GRIP1: variants seen among roughly 807,000 people sequenced by gnomAD.
GRIP1 encodes the protein glutamate receptor-interacting protein 1.
GRIP1 carries 45 observed loss-of-function variants against 129.9 expected under a neutral mutation model. The ratio of observed to expected loss-of-function variants is 0.35; its 90% CI spans 0.27 to 0.44. The LOEUF is 0.44. GRIP1 is among the 20% of genes least tolerant of loss of function. The pLI, the probability that GRIP1 is intolerant of heterozygous loss-of-function variation, is 1.00. For missense variants in GRIP1, 1,196 were observed against 1,396.8 expected, an observed-to-expected ratio of 0.86 and a Z score of 2.29; for synonymous variants, 530 against 520.8, an observed-to-expected ratio of 1.02 and a Z score of -0.24.
intron 15 of GRIP1, among the ~76,000 whole-genome samples, chr12:66,408,554 G>A (rs1187449521): frequency 6.6e-6 from 1 of 152,110 alleles, no homozygotes; most frequent in Non-Finnish European, 1.5e-5. Flanking sequence ...GTGGGCCTTA[G>A]GTGAGACTCT....
chr12:66,548,608 T>C (rs533417421), intron 2 of GRIP1, among the ~76,000 whole-genome samples: 58 of 152,246 alleles, frequency 3.8e-4, no homozygotes, highest in African/African-American at 1.4e-3. Flanking sequence ...GTGGATGACA[T>C]GGACACCAGA....
chr12:66,386,282 C>A (rs1018997377), intron 19 of GRIP1, among the ~76,000 whole-genome samples: 12 of 151,912 alleles, frequency 7.9e-5, no homozygotes, highest in African/African-American at 2.9e-4. Flanking sequence ...TAATTCATAC[C>A]CAGCATTAAT....
In GRIP1 at chr12:66,348,649, G is replaced by A. The variant is rs1205548868; in HGVS notation, c.*370C>T. On this transcript the variant is annotated 3_prime_UTR_variant, in exon 25 of 25. Coordinates refer to ENST00000359742, the MANE Select transcript of GRIP1 (RefSeq NM_001366722.1). ...CATAGTAAGAAACTGATTTCAAAGTGAATTAAGGAAATCATCACAGAGAAT... is the reference window on the plus strand; with the variant it reads ...CATAGTAAGAAACTGATTTCAAAGTAAATTAAGGAAATCATCACAGAGAAT... 7.9e-6 allele frequency: 2 copies of A among 253,176 alleles called. No homozygotes were observed. Among genetic ancestry groups the A allele is most frequent in the Non-Finnish European group, 1.5e-5 (2 of 129,740 alleles). The allele number at this position is 253,176 out of a possible 1,614,324, so 15.7% of individuals were successfully genotyped here.
intron 19 of GRIP1, among the ~76,000 whole-genome samples, chr12:66,381,456 C>T (rs1270022358): frequency 6.6e-6 from 1 of 152,188 alleles, no homozygotes; most frequent in Non-Finnish European, 1.5e-5. Context: ...ACCCCAAATA[C>T]ATGAAGTCTC....
chr12:66,795,727 T>C (rs576159234), intron 1 of GRIP1, among the ~76,000 whole-genome samples: 2 of 152,168 alleles, frequency 1.3e-5, no homozygotes, highest in African/African-American at 2.4e-5. Flanking sequence ...GCACAGAAGA[T>C]GGTGATGCTG....
At chr12:66,767,827 C>T (rs953523331) in intron 1 of GRIP1, among the ~76,000 whole-genome samples, 9 of 152,134 alleles carry the variant, frequency 5.9e-5, no homozygotes, top group Non-Finnish European at 1.0e-4. Flanking sequence ...CATAGTAAGG[C>T]GATATCTTAT....
intron 1 of GRIP1, among the ~76,000 whole-genome samples, chr12:67,026,312 T>C (rs1250094545): frequency 2.0e-5 from 3 of 152,210 alleles, no homozygotes; most frequent in Non-Finnish European, 4.4e-5. Context: ...ATTTTCCCCA[T>C]AGTTCTCATA....
At chr12:66,885,219 GC>G (rs1318647806) in intron 1 of GRIP1, among the ~76,000 whole-genome samples, 5 of 152,086 alleles carry the variant, frequency 3.3e-5, no homozygotes, top group Non-Finnish European at 5.9e-5. Context: ...GGTGCCTCAC[GC>G]CCACGAAAGA....
chr12:66,379,542 T>C (rs1799034808), intron 19 of GRIP1, 106 bp from the exon 20 acceptor site: 1 of 1,085,190 alleles, frequency 9.2e-7, no homozygotes, highest in South Asian at 1.3e-5. Flanking sequence ...GCAATGACAA[T>C]AACAATAGTG....
chr12:66,841,248 T>C (rs994669390), intron 1 of GRIP1, among the ~76,000 whole-genome samples: 2 of 152,168 alleles, frequency 1.3e-5, no homozygotes, highest in African/African-American at 4.8e-5. Context: ...TCCTCTTCCC[T>C]TTCTCCTTCT....
chr12:66,680,383 T>C (rs529170128), upstream of GRIP1, among the ~76,000 whole-genome samples: 15 of 152,278 alleles, frequency 9.9e-5, no homozygotes, highest in African/African-American at 3.6e-4. Flanking sequence ...GAAAAATAAT[T>C]TGTGTGTGAA....
At chr12:66,479,701 A>C (rs528889327) in intron 7 of GRIP1, among the ~76,000 whole-genome samples, 3 of 152,328 alleles carry the variant, frequency 2.0e-5, no homozygotes, top group Non-Finnish European at 4.4e-5. Flanking sequence ...ATACAGCAGC[A>C]CATCAAAAGC....
chr12:66,399,807 GGTCA>G lies in GRIP1; in HGVS notation c.1985-5459_1985-5456del, dbSNP rs1277763354. 1.1e-4 allele frequency among the ~76,000 whole-genome samples: 17 copies of G among 152,024 alleles called. 1 individual carries two copies. The highest frequency in any genetic ancestry group is 4.1e-4 in the African/African-American group (17 of 41,306). ...AGCCTTTGGAAGGCGTACATGTGCA[GGTCA>G]GTCAAAGTTCACTTCAACTAAAAGT... On this transcript the variant is annotated intron_variant, in intron 16 of 24. Coordinates refer to ENST00000359742, the MANE Select transcript of GRIP1 (RefSeq NM_001366722.1).
intron 7 of GRIP1, among the ~76,000 whole-genome samples, chr12:66,468,398 A>G (rs2059345299): frequency 6.6e-6 from 1 of 152,212 alleles, no homozygotes; most frequent in Non-Finnish European, 1.5e-5. Context: ...GAGCATTGTG[A>G]GTTTGGGCCT....
chr12:66,998,719 C>T (rs1469005859), intron 1 of GRIP1, among the ~76,000 whole-genome samples: 1 of 152,136 alleles, frequency 6.6e-6, no homozygotes, highest in Non-Finnish European at 1.5e-5. Flanking sequence ...TGTCTTCTCT[C>T]CTTACAAGTT....
At chr12:66,414,939 T>TAAAAC (rs879009502) in intron 15 of GRIP1, among the ~76,000 whole-genome samples, 1 of 57,280 alleles carries the variant, frequency 1.7e-5, no homozygotes, top group Admixed American at 2.1e-4. Context: ...TTATATAAAA[T>TAAAAC]AAAATAAAAT....
chr12:66,638,811 A>G (rs7485667), intron 1 of GRIP1, among the ~76,000 whole-genome samples: 29,931 of 151,990 alleles, frequency 0.2, 3,075 homozygotes, highest in Non-Finnish European at 0.23. Flanking sequence ...TAACACACAC[A>G]AAGTGCATAT....
At chr12:66,478,326 A>G (rs2059688537) in intron 7 of GRIP1, among the ~76,000 whole-genome samples, 1 of 152,240 alleles carries the variant, frequency 6.6e-6, no homozygotes, top group African/African-American at 2.4e-5. Flanking sequence ...AACCACAATG[A>G]GATATCATCT....
intron 1 of GRIP1, among the ~76,000 whole-genome samples, chr12:66,777,682 C>T (rs894061590): frequency 6.6e-6 from 1 of 152,082 alleles, no homozygotes; most frequent in African/African-American, 2.4e-5. Context: ...ATTGAATGGA[C>T]CACACATATA....
Sources: allele counts gnomAD v4.1 joint callset (sites outside exome capture counted in the v4.1 genomes callset), GRCh38; gene constraint gnomAD v4.1.1; transcripts MANE v1.5; gene names NCBI Gene and HGNC (gene_info 2026-07-23, HGNC 2026-07-21).